The following PPP1R13B variants were observed in gnomAD, a reference collection of about 807,000 sequenced individuals.
PPP1R13B encodes apoptosis-stimulating of p53 protein 1.
In PPP1R13B, 44 loss-of-function variants were observed where a neutral mutation model predicts 119.8. The observed-to-expected ratio is 0.37, with a 90% CI of 0.29 to 0.47. PPP1R13B has a LOEUF of 0.47. PPP1R13B is among the 20% of genes least tolerant of loss of function. The pLI, the probability that PPP1R13B is intolerant of heterozygous loss-of-function variation, is 0.99. For missense variants in PPP1R13B, 1,227 were observed against 1,413.5 expected (o/e 0.87, Z 2.12); for synonymous variants, 542 against 561.5 (o/e 0.97, Z 0.49).
rs533577417 is a variant in PPP1R13B, at chr14:103,793,084, G to A, written c.157+4287C>T. Among the ~76,000 whole-genome samples the A allele has an allele frequency of 1.4e-4, 19 of 137,632 alleles. No individual in the cohort carries two copies. The South Asian group carries it at 5.0e-3, about 36-fold the overall frequency. 90.3% of individuals were successfully genotyped at this position (137,632 alleles called of 152,430 possible). On this transcript the variant is annotated intron_variant, in intron 2 of 16. Coordinates refer to ENST00000202556, the MANE Select transcript of PPP1R13B (RefSeq NM_015316.3). ...GAGACTCTGTCATAGAAAAGGGGAA[G>A]GGAAGGAAGGGGAGGGGAGGGAAGG...
At chr14:103,790,573 T>C (rs142691179) in intron 2 of PPP1R13B, among the ~76,000 whole-genome samples, 397 of 152,202 alleles carry the variant, frequency 2.6e-3, no homozygotes, top group Non-Finnish European at 4.6e-3. Flanking sequence ...GCTCAGGAGT[T>C]TGAGGTCAGC....
At chr14:103,807,475 A>G (rs12885018) in intron 1 of PPP1R13B, among the ~76,000 whole-genome samples, 67,758 of 152,004 alleles carry the variant, frequency 0.45, 15,601 homozygotes, top group African/African-American at 0.56. Context: ...AGCACTCAAT[A>G]AACTCCCCCA....
intron 16 of PPP1R13B, 72 bp downstream of exon 16, chr14:103,735,931 C>T: frequency 2.6e-6 from 4 of 1,527,490 alleles, no homozygotes; most frequent in Non-Finnish European, 3.6e-6. Context: ...CCCAGCCCCA[C>T]AGCAGGATAG....
chr14:103,775,686 G>A (rs956384703), intron 4 of PPP1R13B, among the ~76,000 whole-genome samples: 17 of 152,212 alleles, frequency 1.1e-4, no homozygotes, highest in African/African-American at 4.1e-4. Context: ...TGGCAACATA[G>A]TCACATGGGG....
At position 103,768,596 on chromosome 14, in the gene PPP1R13B, C is replaced by T. The variant is rs1054529031; in HGVS notation, c.354+10149G>A. Among the ~76,000 whole-genome samples, 24 of 151,564 alleles carry T rather than the reference C, an allele frequency of 1.6e-4. 1 individual carries two copies. Among genetic ancestry groups the T allele is most frequent in the African/African-American group, 5.6e-4 (23 of 41,300 alleles). On this transcript the variant is annotated intron_variant, in intron 4 of 16. Coordinates refer to ENST00000202556, the MANE Select transcript of PPP1R13B (RefSeq NM_015316.3). ...ACAGGCGTGAGCCACTGCACCAGGC[C>T]TAATTTTTGTATTTTTAGTAGCGAC...
In PPP1R13B at chr14:103,742,832, G is replaced by A. The variant is rs1239494936; in HGVS notation, c.1151-9C>T. 5 of 1,613,582 alleles carry A rather than the reference G, an allele frequency of 3.1e-6. No homozygotes were observed. The highest frequency in any genetic ancestry group is 4.2e-6 in the Non-Finnish European group (5 of 1,179,856). On this transcript the variant is annotated splice_polypyrimidine_tract_variant and intron_variant, in intron 9 of 16. Transcript: ENST00000202556. This position sits in a 1 kb window ranked among gnomAD's most constrained non-coding sequence, Gnocchi z 4.9. ...CCAGTTTCCATCATTAGCTTGAAAA[G>A]AACACAGAACTTACGTAAAACTTTT...
At chr14:103,789,857 T>C (rs941144762) in intron 2 of PPP1R13B, among the ~76,000 whole-genome samples, 2 of 152,126 alleles carry the variant, frequency 1.3e-5, no homozygotes, top group African/African-American at 2.4e-5. Context: ...CTGCTTTATA[T>C]TGTATTAGTG....
intron 1 of PPP1R13B, among the ~76,000 whole-genome samples, chr14:103,838,336 T>A (rs1415203739): frequency 6.6e-6 from 1 of 152,102 alleles, no homozygotes; most frequent in Non-Finnish European, 1.5e-5. Flanking sequence ...TATGTGTCAA[T>A]CACTGGGCTA....
rs759752228 is a variant in PPP1R13B at position 103,736,206 on chromosome 14, G to A, written c.3032-4C>T. 1.2e-6 allele frequency: 2 copies of A among 1,612,706 alleles called. No individual in the cohort carries two copies. Among genetic ancestry groups the A allele is most frequent in the Non-Finnish European group, 1.7e-6 (2 of 1,179,752 alleles). Reference sequence around the variant, plus strand: ...ACACCCAGCTTTTCCTGCACCCCTGGAGCCAGAGAGCAATGGTCAGGCCTC... The same window carrying A: ...ACACCCAGCTTTTCCTGCACCCCTGAAGCCAGAGAGCAATGGTCAGGCCTC... On this transcript the variant is annotated splice_region_variant and splice_polypyrimidine_tract_variant and intron_variant, in intron 15 of 16. Transcript: ENST00000202556.
In PPP1R13B at chr14:103,734,774, C is replaced by T. The variant is rs1008491540; in HGVS notation, c.*380G>A. 19 of 463,552 alleles carry T rather than the reference C, an allele frequency of 4.1e-5. No individual in the cohort carries two copies. The highest frequency in any genetic ancestry group is 3.5e-4 in the Middle Eastern group (1 of 2,828). 28.7% of individuals were successfully genotyped at this position (463,552 alleles called of 1,614,324 possible). Reference sequence around the variant, plus strand: ...CGCAGGGGAGCAGGCCTCACAGCGGCGGACAGTGTTCACTGCTGGAGGGGG... The same window carrying T: ...CGCAGGGGAGCAGGCCTCACAGCGGTGGACAGTGTTCACTGCTGGAGGGGG... On this transcript the variant is annotated 3_prime_UTR_variant, in exon 17 of 17. Coordinates refer to ENST00000202556, the MANE Select transcript of PPP1R13B (RefSeq NM_015316.3).
chr14:103,797,652 A>G (rs990480308), intron 1 of PPP1R13B, 134 bp from the exon 2 acceptor site: 27 of 487,388 alleles, frequency 5.5e-5, no homozygotes, highest in Non-Finnish European at 9.7e-5. Flanking sequence ...AAATAATAAT[A>G]GATAAGCTGA....
At chr14:103,768,118 CTT>C (rs556309580) in intron 4 of PPP1R13B, among the ~76,000 whole-genome samples, 7 of 140,944 alleles carry the variant, frequency 5.0e-5, no homozygotes, top group Non-Finnish European at 6.1e-5. Flanking sequence ...TGAGTGTCTT[CTT>C]TTTTTTTTTT....
At chr14:103,788,564 C>T (rs1044356952) in intron 2 of PPP1R13B, among the ~76,000 whole-genome samples, 1 of 152,042 alleles carries the variant, frequency 6.6e-6, no homozygotes, top group Non-Finnish European at 1.5e-5. Flanking sequence ...CAGTGCACAT[C>T]TGTAATTGCA....
At chr14:103,840,294 T>C (rs2086872209) in intron 1 of PPP1R13B, among the ~76,000 whole-genome samples, 1 of 152,222 alleles carries the variant, frequency 6.6e-6, no homozygotes, top group African/African-American at 2.4e-5. Context: ...TGCAAACACA[T>C]ACAAACGCAT....
At position 103,742,957 on chromosome 14, in the gene PPP1R13B, A is replaced by G. The variant is rs945427957; in HGVS notation, c.1151-134T>C. On this transcript the variant is annotated intron_variant, in intron 9 of 16. Transcript: ENST00000202556. The surrounding 1 kb of genome is among the most constrained non-coding windows in gnomAD (Gnocchi z 4.9). ...TGCAGATCCATTAACCGAGTGGTCAACCACCAGCCACATGCACAACTGCTG... is the reference window on the plus strand; with the variant it reads ...TGCAGATCCATTAACCGAGTGGTCAGCCACCAGCCACATGCACAACTGCTG... 18 of 975,180 alleles carry G rather than the reference A, an allele frequency of 1.8e-5. No individual in the cohort carries two copies. The highest frequency in any genetic ancestry group is 2.5e-4 in the Middle Eastern group (1 of 4,010). 60.4% of individuals were successfully genotyped at this position (975,180 alleles called of 1,614,324 possible).
intron 4 of PPP1R13B, among the ~76,000 whole-genome samples, chr14:103,775,017 T>C (rs1321255463): frequency 4.6e-5 from 7 of 152,168 alleles, no homozygotes; most frequent in Non-Finnish European, 7.3e-5. Context: ...ATTTTGTTGA[T>C]CTTGAAATAT....
intron 1 of PPP1R13B, among the ~76,000 whole-genome samples, chr14:103,829,551 C>T (rs1010266022): frequency 6.6e-6 from 1 of 152,102 alleles, no homozygotes; most frequent in Admixed American, 6.6e-5. Context: ...AGTGAGCCAC[C>T]CATATCCAGC....
intron 1 of PPP1R13B, among the ~76,000 whole-genome samples, chr14:103,814,475 C>A (rs1427278375): frequency 6.6e-6 from 1 of 152,158 alleles, no homozygotes; most frequent in Non-Finnish European, 1.5e-5. Flanking sequence ...AACCACTACT[C>A]TAAAATGCTT....
At chr14:103,816,669 CAA>C (rs34539149) in intron 1 of PPP1R13B, among the ~76,000 whole-genome samples, 43 of 105,132 alleles carry the variant, frequency 4.1e-4, no homozygotes, top group Middle Eastern at 5.0e-3. Context: ...AACTCAGTCT[CAA>C]AAAAAAAAAA....
Sources: gnomAD v4.1 joint callset for allele counts (sites outside exome capture counted in the v4.1 genomes callset) on GRCh38, gnomAD v4.1.1 for gene constraint, Gnocchi (gnomAD v3.1) non-coding constraint, MANE v1.5 for transcripts, NCBI Gene and HGNC (gene_info 2026-07-23, HGNC 2026-07-21) for gene names.